The following HACE1 variants were observed in gnomAD, a reference collection of about 807,000 sequenced individuals.
The protein encoded by HACE1 is HECT domain and ankyrin repeat containing E3 ubiquitin protein ligase 1, also known as E3 ubiquitin-protein ligase HACE1.
HACE1 carries 73 observed loss-of-function variants against 118.4 expected under a neutral mutation model. That is an observed-to-expected ratio of 0.62 (90% confidence interval 0.51 to 0.75). The LOEUF (loss-of-function observed/expected upper bound fraction) is 0.75. Among genes scored for constraint, HACE1 ranks in the 30% least tolerant of loss-of-function variants. The pLI, the probability that HACE1 is intolerant of heterozygous loss-of-function variation, is 0.00. For synonymous variants in HACE1, 368 were observed against 374.8 expected, an observed-to-expected ratio of 0.98 and a Z score of 0.21; for missense variants, 749 against 1,102.2, an observed-to-expected ratio of 0.68 and a Z score of 4.54.
At chr6:104,752,193 G>C (rs2114577339) in intron 19 of HACE1, among the ~76,000 whole-genome samples, 1 of 152,198 alleles carries the variant, frequency 6.6e-6, no homozygotes, top group African/African-American at 2.4e-5. Flanking sequence ...AACCAAAGGT[G>C]CAAGTTTTTC....
At chr6:104,733,112 G>A (rs796814387) in intron 22 of HACE1, among the ~76,000 whole-genome samples, 3 of 152,198 alleles carry the variant, frequency 2.0e-5, no homozygotes, top group Admixed American at 6.5e-5. Flanking sequence ...AAATCAAGTC[G>A]TTCTGAATTT....
intron 19 of HACE1, among the ~76,000 whole-genome samples, chr6:104,758,113 G>C (rs1396340752): frequency 6.6e-6 from 1 of 152,146 alleles, no homozygotes; most frequent in African/African-American, 2.4e-5. Flanking sequence ...AACCAAGTTA[G>C]AAAACACTCT....
chr6:104,736,796 T>C (rs1049191172), intron 22 of HACE1, among the ~76,000 whole-genome samples: 1 of 152,236 alleles, frequency 6.6e-6, no homozygotes, highest in Non-Finnish European at 1.5e-5. Context: ...TAAAATTAGA[T>C]TTATAGTGTG....
At chr6:104,744,367 T>TTTTTG in intron 21 of HACE1, 137 bp from the exon 22 acceptor site, 1 of 807,760 alleles carries the variant, frequency 1.2e-6, no homozygotes, top group Non-Finnish European at 2.2e-6. Flanking sequence ...CATGCAAAGC[T>TTTTTG]TTCATATGCA....
intron 6 of HACE1, among the ~76,000 whole-genome samples, chr6:104,830,775 T>TTTG (rs1773784522): frequency 2.7e-5 from 4 of 150,438 alleles, no homozygotes; most frequent in Non-Finnish European, 5.9e-5. Flanking sequence ...TTTTTTTTTT[T>TTTG]GAAGAGACGA....
chr6:104,831,672 T>C (rs925972930), intron 6 of HACE1, among the ~76,000 whole-genome samples: 3 of 151,066 alleles, frequency 2.0e-5, no homozygotes, highest in African/African-American at 7.3e-5. Flanking sequence ...GGCAGGCGGA[T>C]CATGAGGTCG....
intron 6 of HACE1, among the ~76,000 whole-genome samples, chr6:104,828,434 A>G (rs967508161): frequency 6.6e-6 from 1 of 151,990 alleles, no homozygotes; most frequent in Non-Finnish European, 1.5e-5. Flanking sequence ...CAGTTGAATA[A>G]CCAAACTTTG....
intron 14 of HACE1, among the ~76,000 whole-genome samples, chr6:104,782,185 G>A (rs370600820): frequency 6.9e-4 from 105 of 152,268 alleles, no homozygotes; most frequent in African/African-American, 2.3e-3. Context: ...ATCATACAGT[G>A]TAGGTTAAGA....
chr6:104,814,805 C>G (rs1771951600), intron 6 of HACE1, among the ~76,000 whole-genome samples: 1 of 137,602 alleles, frequency 7.3e-6, no homozygotes, highest in Non-Finnish European at 1.6e-5. Context: ...CGCTCTTTCT[C>G]CCTCTCTCCT....
In HACE1 at chr6:104,776,806, C is replaced by T. The variant is rs772127875; in HGVS notation, c.1799G>A (p.Trp600Ter). 6.2e-7 allele frequency: 1 copy of T among 1,607,400 alleles called. No homozygotes were observed. The highest frequency in any genetic ancestry group is 1.1e-5 in the South Asian group (1 of 90,928). ...EGMGQGVVRE[W>*]FDILSNEIVN... is the part of the protein sequence containing the mutation. ...TATCTCATTGGACAGAATATCAAAC[C>T]ACTCACGCACAACACCTTGACCCTG... The change falls in exon 17 of 24, where the codon TGG (tryptophan) becomes TAG (stop). Residue 600 changes from tryptophan (W) to a stop codon, truncating the protein, a stop_gained. Coordinates refer to ENST00000262903, the MANE Select transcript of HACE1 (RefSeq NM_020771.4). LOFTEE classifies it high-confidence loss of function.
In HACE1 at chr6:104,852,377, TAAAA is replaced by T; in HGVS notation, c.77-10_77-7del. On this transcript the variant is annotated splice_polypyrimidine_tract_variant and splice_region_variant and intron_variant, in intron 1 of 23. Coordinates refer to ENST00000262903, the MANE Select transcript of HACE1 (RefSeq NM_020771.4). The stretch of plus-strand genomic sequence containing the variant: ...ATAAACAGCAGTTTCATTATCTGAG[TAAAA>T]AAAAACAAAGAGTTCATTTATCCCC... 7.1e-7 allele frequency: 1 copy of T among 1,400,736 alleles called. No homozygotes were observed. Among genetic ancestry groups the T allele is most frequent in the Non-Finnish European group, 9.8e-7 (1 of 1,021,280 alleles). The allele number at this position is 1,400,736 out of a possible 1,614,324, so 86.8% of individuals were successfully genotyped here.
Position 104,859,622 on chromosome 6 carries a change from T to G in HACE1, c.21A>C (p.Gln7His). 6.5e-7 allele frequency: 1 copy of G among 1,532,840 alleles called. No homozygotes were observed. Among genetic ancestry groups the G allele is most frequent in the Non-Finnish European group, 8.7e-7 (1 of 1,143,182 alleles). The allele number at this position is 1,532,840 out of a possible 1,614,324, so 95.0% of individuals were successfully genotyped here. A position where few individuals can be genotyped will look rare whatever the true frequency, so the allele number is the denominator to read the frequency against. ...GCAGCGAGCGCGTCAGGCGGTTGAG[T>G]TGCTCCATCGCTCTCTCCATCCTCG... MERAME[Q>H]LNRLTRSLRR... The change falls in exon 1 of 24, where the codon CAA becomes CAC. Residue 7 changes from glutamine to histidine, a missense_variant. Physicochemically the swap from Gln to His is conservative, Grantham distance 24 (BLOSUM62 0). Coordinates refer to ENST00000262903, the MANE Select transcript of HACE1 (RefSeq NM_020771.4).
intron 1 of HACE1, among the ~76,000 whole-genome samples, chr6:104,857,144 G>GTT (rs949418932): frequency 6.8e-6 from 1 of 148,018 alleles, no homozygotes; most frequent in Non-Finnish European, 1.5e-5. Context: ...CAGTAGGAAT[G>GTT]TTATATATAT....
At chr6:104,734,850 A>T (rs2114394974) in intron 22 of HACE1, among the ~76,000 whole-genome samples, 1 of 152,336 alleles carries the variant, frequency 6.6e-6, no homozygotes, top group African/African-American at 2.4e-5. Flanking sequence ...AACTTGAATA[A>T]CTGATTTCTG....
intron 6 of HACE1, chr6:104,831,469 CA>C (rs1050529893): frequency 1.3e-5 from 2 of 152,104 alleles, no homozygotes; most frequent in African/African-American, 4.8e-5. Flanking sequence ...CCTGTAATCC[CA>C]GCTACTTAGG....
intron 19 of HACE1, among the ~76,000 whole-genome samples, chr6:104,769,572 T>G (rs754213401): frequency 6.6e-6 from 1 of 152,210 alleles, no homozygotes; most frequent in Non-Finnish European, 1.5e-5. Flanking sequence ...CATATAGGTT[T>G]AAAAATTAAG....
chr6:104,798,664 T>C (rs1292335651), intron 7 of HACE1, among the ~76,000 whole-genome samples: 3 of 152,166 alleles, frequency 2.0e-5, no homozygotes, highest in African/African-American at 7.2e-5. Flanking sequence ...AAGCTCAAAG[T>C]GTTGGTCAAG....
At chr6:104,762,435 A>G (rs2114652132) in intron 19 of HACE1, among the ~76,000 whole-genome samples, 1 of 152,300 alleles carries the variant, frequency 6.6e-6, no homozygotes, top group Non-Finnish European at 1.5e-5. Context: ...CATTCTCAGC[A>G]AACTATCACA....
At chr6:104,836,876 C>G (rs1023154484) in intron 5 of HACE1, among the ~76,000 whole-genome samples, 2 of 152,076 alleles carry the variant, frequency 1.3e-5, no homozygotes, top group Admixed American at 6.6e-5. Context: ...TGCATAAACT[C>G]AAATTAAAAA....
Sources: gnomAD v4.1 joint callset for allele counts (sites outside exome capture counted in the v4.1 genomes callset) on GRCh38, gnomAD v4.1.1 for gene constraint, MANE v1.5 for transcripts, NCBI Gene and HGNC (gene_info 2026-07-23, HGNC 2026-07-21) for gene names.